The following TEX11 variants were observed in gnomAD, a reference collection of about 807,000 sequenced individuals.
TEX11 encodes testis expressed 11, also known as testis-expressed protein 11.
Under a neutral mutation model 84.4 loss-of-function variants are expected in TEX11, and 7 were observed. The ratio of observed to expected loss-of-function variants is 0.08; its 90% confidence interval spans 0.05 to 0.16. The LOEUF (loss-of-function observed/expected upper bound fraction) is 0.16, where lower values mean the gene tolerates loss of function less well. Among genes scored for constraint, TEX11 ranks in the 10% least tolerant of loss-of-function variants. The probability of loss-of-function intolerance (pLI) is 1.00; values close to 1 mark genes in which losing one functional copy is unlikely to be tolerated. For synonymous variants in TEX11, 264 were observed against 222.8 expected, an observed-to-expected ratio of 1.18 and a Z score of -1.64; for missense variants, 551 against 660.5, an observed-to-expected ratio of 0.83 and a Z score of 1.82.
chrX:70,783,975 A>T (rs2091060000), intron 9 of TEX11, among the ~76,000 whole-genome samples: 1 of 111,838 alleles, frequency 8.9e-6, no homozygotes, highest in African/African-American at 3.3e-5. Context: ...ATCTCATTTT[A>T]TGAGGTCAGC....
At chrX:70,785,857 T>G (rs896420170) in intron 9 of TEX11, among the ~76,000 whole-genome samples, 4 of 112,028 alleles carry the variant, frequency 3.6e-5, no homozygotes, top group Non-Finnish European at 7.5e-5. Context: ...AGGAACGCTT[T>G]TACACTGTTG....
intron 28 of TEX11, among the ~76,000 whole-genome samples, chrX:70,539,196 G>A (rs912202701): frequency 1.1e-4 from 12 of 105,932 alleles, no homozygotes; most frequent in South Asian, 4.5e-4. Context: ...CACCACGCCC[G>A]GCTAACTTTT....
chrX:70,844,745 C>A (rs1016613446), intron 7 of TEX11, among the ~76,000 whole-genome samples: 2 of 110,771 alleles, frequency 1.8e-5, no homozygotes, highest in Admixed American at 9.6e-5. Flanking sequence ...CATGGGGAAA[C>A]CCCCATCTCT....
chrX:70,581,594 G>A (rs1200559007), intron 25 of TEX11, among the ~76,000 whole-genome samples: 1 of 110,766 alleles, frequency 9.0e-6, no homozygotes, highest in Non-Finnish European at 1.9e-5. Context: ...CACCGCGCCT[G>A]GTCCTATATA....
chrX:70,563,780 T>C (rs1298639238), intron 25 of TEX11, among the ~76,000 whole-genome samples: 1 of 112,875 alleles, frequency 8.9e-6, no homozygotes, highest in Non-Finnish European at 1.9e-5. Flanking sequence ...ATTGAGATTA[T>C]TATATTTTCC....
At chrX:70,625,263 C>A (rs1292431683) in intron 18 of TEX11, among the ~76,000 whole-genome samples, 1 of 110,720 alleles carries the variant, frequency 9.0e-6, no homozygotes, top group Non-Finnish European at 1.9e-5. Context: ...ACCCTCATTT[C>A]CAGCACTCTA....
chrX:70,839,365 T>G (rs991130987), intron 7 of TEX11, among the ~76,000 whole-genome samples: 14 of 111,925 alleles, frequency 1.3e-4, no homozygotes, highest in Non-Finnish European at 2.4e-4. Context: ...CCACTGCTGA[T>G]ACCCAGGCAA....
Position 70,762,813 on chromosome X carries a change from C to A in TEX11, c.693-18594G>T, listed in dbSNP as rs762753984. Among the ~76,000 whole-genome samples, 14 of 111,008 alleles carry A rather than the reference C, an allele frequency of 1.3e-4. No homozygotes were observed. The East Asian group carries it at 3.7e-3, about 29-fold the overall frequency. ...ACTTTGGGAGGCTGAGGGGGCAGATCACTTGAGCTCAGGAGTCCGAGACCA... is the reference window on the plus strand; with the variant it reads ...ACTTTGGGAGGCTGAGGGGGCAGATAACTTGAGCTCAGGAGTCCGAGACCA... On this transcript the variant is annotated intron_variant, in intron 9 of 29. Transcript: ENST00000374333.
rs762456055 is a variant in TEX11 at position 70,798,909 on chromosome X, A to T, written c.692+7796T>A. Among the ~76,000 whole-genome samples the T allele has an allele frequency of 9.0e-5, 10 of 111,616 alleles. No individual in the cohort carries two copies. In the Admixed American group the frequency reaches 9.6e-4, roughly 11 times the overall value. On this transcript the variant is annotated intron_variant, in intron 9 of 29. Transcript: ENST00000374333. ...AATTACTAGAAGAAAACTGGGGGAA[A>T]GCTTATTGATATTGTATGGGAAATT...
chrX:70,817,416 T>C, intron 8 of TEX11, among the ~76,000 whole-genome samples: 1 of 111,945 alleles, frequency 8.9e-6, no homozygotes, highest in South Asian at 3.7e-4. Context: ...CTGAGATACA[T>C]AGTTAATTTC....
At chrX:70,596,859 A>G (rs2089013560) in intron 24 of TEX11, among the ~76,000 whole-genome samples, 1 of 111,276 alleles carries the variant, frequency 9.0e-6, no homozygotes, top group South Asian at 3.7e-4. Context: ...ACAAATTGAT[A>G]TACTTTTGTC....
chrX:70,549,790 G>A (rs2088189448), intron 28 of TEX11, among the ~76,000 whole-genome samples: 1 of 112,662 alleles, frequency 8.9e-6, no homozygotes, highest in African/African-American at 3.2e-5. Flanking sequence ...CTGACTCCAG[G>A]CCCTGGCTCC....
chrX:70,566,318 G>T (rs2088476326), intron 25 of TEX11, among the ~76,000 whole-genome samples: 1 of 100,932 alleles, frequency 9.9e-6, no homozygotes, highest in East Asian at 3.1e-4. Flanking sequence ...AGACAATGGG[G>T]TTTTCTAGAT....
At chrX:70,574,610 T>C (rs868785402) in intron 25 of TEX11, among the ~76,000 whole-genome samples, 1 of 111,754 alleles carries the variant, frequency 8.9e-6, no homozygotes, top group Non-Finnish European at 1.9e-5. Flanking sequence ...CAGAATTTCA[T>C]TTAATAAATA....
intron 19 of TEX11, 22 bp downstream of exon 19, chrX:70,624,817 C>A: frequency 8.7e-7 from 1 of 1,152,295 alleles, no homozygotes; most frequent in Non-Finnish European, 1.2e-6. Flanking sequence ...ACTTTCTCTT[C>A]CACAGGATGT....
chrX:70,522,413 C>G, the TEX11 span, among the ~76,000 whole-genome samples: 221 of 112,267 alleles, frequency 2.0e-3, no homozygotes, highest in African/African-American at 6.8e-3. Context: ...CACTTTCTAC[C>G]TGGCTGCCTT....
At chrX:70,800,399 T>C (rs903922510) in intron 9 of TEX11, among the ~76,000 whole-genome samples, 1 of 111,146 alleles carries the variant, frequency 9.0e-6, no homozygotes, top group Non-Finnish European at 1.9e-5. Context: ...AAAATAAAAG[T>C]TTAAAATGAT....
intron 11 of TEX11, among the ~76,000 whole-genome samples, chrX:70,737,077 T>G (rs1364770341): frequency 9.0e-6 from 1 of 111,419 alleles, no homozygotes; most frequent in African/African-American, 3.3e-5. Context: ...ATATTAGAAT[T>G]ATCAAAGAAA....
At chrX:70,542,403 A>G (rs1360956163) in intron 28 of TEX11, among the ~76,000 whole-genome samples, 2 of 111,307 alleles carry the variant, frequency 1.8e-5, no homozygotes, top group African/African-American at 6.5e-5. Flanking sequence ...CACCCACTCT[A>G]TGGTATTTTT....
Sources: allele counts gnomAD v4.1 joint callset (sites outside exome capture counted in the v4.1 genomes callset), GRCh38; gene constraint gnomAD v4.1.1; transcripts MANE v1.5; gene names NCBI Gene and HGNC (gene_info 2026-07-23, HGNC 2026-07-21).